Variants in STX8 observed in about 807,000 individuals in gnomAD.
The protein encoded by STX8 is syntaxin-8.
Under a neutral mutation model 37.5 loss-of-function variants are expected in STX8, and 23 were observed. The ratio of observed to expected loss-of-function variants is 0.61; its 90% CI spans 0.44 to 0.87. STX8 has a LOEUF of 0.87. Ranked by LOEUF, STX8 falls within the 40% of genes least tolerant of loss-of-function variation. STX8 has a pLI of 0.00. For missense variants in STX8, 313 were observed against 284.7 expected, an observed-to-expected ratio of 1.10 and a Z score of -0.71; for synonymous variants, 115 against 99.1, an observed-to-expected ratio of 1.16 and a Z score of -0.95.
intron 6 of STX8, among the ~76,000 whole-genome samples, chr17:9,448,174 CA>C (rs71930141): frequency 1.3e-4 from 18 of 140,254 alleles, no homozygotes; most frequent in Non-Finnish European, 1.2e-4. Flanking sequence ...GACTCCATCT[CA>C]AAAAAAAAAA....
intron 3 of STX8, chr17:9,555,001 G>A (rs1206313024): frequency 6.6e-6 from 1 of 151,918 alleles, no homozygotes; most frequent in East Asian, 1.9e-4. Flanking sequence ...CCCTAGTACT[G>A]GCTGCAGGTT....
intron 6 of STX8, among the ~76,000 whole-genome samples, chr17:9,432,815 T>C (rs1194853958): frequency 6.6e-6 from 1 of 152,230 alleles, no homozygotes; most frequent in African/African-American, 2.4e-5. Context: ...TCTAACCTTC[T>C]GTGTACTTTC....
intron 7 of STX8, among the ~76,000 whole-genome samples, chr17:9,286,761 T>G (rs116249406): frequency 9.9e-5 from 15 of 150,782 alleles, no homozygotes; most frequent in African/African-American, 3.4e-4. Context: ...GTATTCCTGA[T>G]GAATATTGTT....
chr17:9,278,635 A>G (rs758722648), intron 7 of STX8, among the ~76,000 whole-genome samples: 29 of 152,186 alleles, frequency 1.9e-4, no homozygotes, highest in Non-Finnish European at 1.6e-4. Context: ...CTGCAGAGGG[A>G]TTTAAGCTGA....
chr17:9,279,888 C>G (rs1329083340), intron 7 of STX8, among the ~76,000 whole-genome samples: 2 of 152,192 alleles, frequency 1.3e-5, no homozygotes, highest in African/African-American at 2.4e-5. Context: ...AAAAGGATAG[C>G]TTAAAATACA....
intron 5 of STX8, among the ~76,000 whole-genome samples, chr17:9,501,908 G>A (rs1167895035): frequency 6.6e-6 from 1 of 152,124 alleles, no homozygotes; most frequent in African/African-American, 2.4e-5. Context: ...GGTGGAGCTT[G>A]CAGTGAGCAG....
intron 4 of STX8, among the ~76,000 whole-genome samples, chr17:9,537,899 T>C (rs1341487245): frequency 6.6e-6 from 1 of 152,228 alleles, no homozygotes; most frequent in Non-Finnish European, 1.5e-5. Context: ...TGTATGATTC[T>C]TTATTTCATG....
intron 6 of STX8, among the ~76,000 whole-genome samples, chr17:9,402,567 C>A (rs1912661007): frequency 6.6e-6 from 1 of 152,098 alleles, no homozygotes; most frequent in African/African-American, 2.4e-5. Context: ...AGGGGCGTCC[C>A]ACTCATTAAA....
intron 4 of STX8, among the ~76,000 whole-genome samples, chr17:9,520,659 G>A (rs1262545466): frequency 6.6e-6 from 1 of 152,124 alleles, no homozygotes; most frequent in South Asian, 2.1e-4. Context: ...CAAAGAAAAT[G>A]ATGTACATTA....
intron 6 of STX8, among the ~76,000 whole-genome samples, chr17:9,438,303 C>T (rs910386811): frequency 6.7e-6 from 1 of 149,096 alleles, no homozygotes; most frequent in African/African-American, 2.5e-5. Context: ...TCCTCTACAA[C>T]ACACTACCCC....
chr17:9,518,590 C>A (rs777600333), intron 4 of STX8, among the ~76,000 whole-genome samples: 3 of 152,170 alleles, frequency 2.0e-5, no homozygotes, highest in Non-Finnish European at 4.4e-5. Context: ...TGCTAGCAGC[C>A]AGGCGTGGTG....
intron 2 of STX8, among the ~76,000 whole-genome samples, chr17:9,562,601 GAA>G (rs748400596): frequency 0.048 from 2,375 of 49,334 alleles, 24 homozygotes; most frequent in South Asian, 0.16. Context: ...ACAGTTCACA[GAA>G]AAAAAAAAAA....
chr17:9,288,440 T>A (rs922253489), intron 7 of STX8, among the ~76,000 whole-genome samples: 1 of 151,774 alleles, frequency 6.6e-6, no homozygotes, highest in Non-Finnish European at 1.5e-5. Context: ...GACGGGTGGA[T>A]CACGAGATCA....
At chr17:9,338,867 C>T (rs576182547) in intron 7 of STX8, among the ~76,000 whole-genome samples, 22 of 151,938 alleles carry the variant, frequency 1.4e-4, no homozygotes, top group African/African-American at 4.3e-4. Context: ...GTCAGGAGAT[C>T]GAGACCATCC....
At chr17:9,361,338 T>C (rs12600880) in intron 7 of STX8, among the ~76,000 whole-genome samples, 43,267 of 152,200 alleles carry the variant, frequency 0.28, 6,650 homozygotes, top group Middle Eastern at 0.36. Flanking sequence ...CACAGATTCC[T>C]TTAAATTACC....
At chr17:9,436,393 T>G (rs915523466) in intron 6 of STX8, among the ~76,000 whole-genome samples, 7 of 149,824 alleles carry the variant, frequency 4.7e-5, no homozygotes, top group South Asian at 2.1e-4. Flanking sequence ...AAAAGAGAGA[T>G]AACCATAATA....
intron 7 of STX8, among the ~76,000 whole-genome samples, chr17:9,338,215 G>A (rs966668275): frequency 7.2e-5 from 11 of 151,974 alleles, no homozygotes; most frequent in Non-Finnish European, 1.0e-4. Flanking sequence ...CACCACGCCC[G>A]GCTAACTTGT....
intron 6 of STX8, among the ~76,000 whole-genome samples, chr17:9,411,925 G>C (rs1270014364): frequency 6.6e-6 from 1 of 152,056 alleles, no homozygotes; most frequent in Non-Finnish European, 1.5e-5. Flanking sequence ...CTACTAATGG[G>C]ATGCATGATC....
At chr17:9,543,463 T>G (rs970911075) in intron 4 of STX8, among the ~76,000 whole-genome samples, 6 of 151,980 alleles carry the variant, frequency 3.9e-5, no homozygotes, top group Non-Finnish European at 8.8e-5. Flanking sequence ...CGGCTACTTT[T>G]TTGTTGTTGT....
Sources: gnomAD v4.1 joint callset for allele counts (sites outside exome capture counted in the v4.1 genomes callset) on GRCh38, gnomAD v4.1.1 for gene constraint, MANE v1.5 for transcripts, NCBI Gene and HGNC (gene_info 2026-07-23, HGNC 2026-07-21) for gene names.